The following MYCBPAP variants were observed in gnomAD, a reference collection of about 807,000 sequenced individuals.
MYCBPAP encodes the protein MYCBP-associated protein.
In MYCBPAP, 60 loss-of-function variants were observed where a neutral mutation model predicts 106.1. The ratio of observed to expected loss-of-function variants is 0.57; its 90% CI spans 0.46 to 0.70. The LOEUF (loss-of-function observed/expected upper bound fraction) is 0.70. Ranked by LOEUF, MYCBPAP falls within the 30% of genes least tolerant of loss-of-function variation. The pLI is 0.00. For synonymous variants in MYCBPAP, 407 were observed against 440.6 expected, an observed-to-expected ratio of 0.92 and a Z score of 0.95; for missense variants, 1,064 against 1,169.3, an observed-to-expected ratio of 0.91 and a Z score of 1.31.
In MYCBPAP at chr17:50,528,975, T is replaced by C. The variant is rs963488356; in HGVS notation, c.2554-43T>C. The C allele has an allele frequency of 1.9e-6, 3 of 1,603,848 alleles. No individual in the cohort carries two copies. The African/African-American group carries it at 4.0e-5, about 21-fold the overall frequency. On this transcript the variant is annotated intron_variant, in intron 17 of 18. Coordinates refer to ENST00000323776, the MANE Select transcript of MYCBPAP (RefSeq NM_032133.6). ...CTGTTGAGGACATCCTTGGCCTACC[T>C]CTGGAGCTCCTGAAGGCTATGTGTG... is the stretch of plus-strand genomic sequence containing the variant.
chr17:50,529,801 A>G, intron 18 of MYCBPAP: 1 of 456,698 alleles, frequency 2.2e-6, no homozygotes, highest in Non-Finnish European at 4.4e-6. Context: ...GGAGAACACC[A>G]TGCAGGGTGC....
intron 1 of MYCBPAP, chr17:50,509,550 G>C (rs1029668914): frequency 6.2e-6 from 1 of 161,372 alleles, no homozygotes. Context: ...GTGTGTGTGT[G>C]TGTGTGTGTG....
chr17:50,517,233 G>T, intron 2 of MYCBPAP, 60 bp from the exon 3 acceptor site: 1 of 1,480,554 alleles, frequency 6.8e-7, no homozygotes, highest in Non-Finnish European at 9.4e-7. Flanking sequence ...AGAAGAGATG[G>T]GTGGTGCTCT....
intron 5 of MYCBPAP, 63 bp from the exon 6 acceptor site, chr17:50,518,911 A>G: frequency 6.6e-7 from 1 of 1,520,598 alleles, no homozygotes; most frequent in Non-Finnish European, 9.1e-7. Context: ...CCCGATGCAG[A>G]CTGCCAAGGC....
chr17:50,516,552 C>T lies in MYCBPAP; in HGVS notation c.77-18C>T. 6.2e-7 allele frequency: 1 copy of T among 1,611,912 alleles called. No individual in the cohort carries two copies. Among genetic ancestry groups the T allele is most frequent in the South Asian group, 1.1e-5 (1 of 90,594 alleles). On this transcript the variant is annotated intron_variant, in intron 1 of 18. Coordinates refer to ENST00000323776, the MANE Select transcript of MYCBPAP (RefSeq NM_032133.6). ...AAGGAGCTCTTTAAGGACTTAATAACTTTCTGCTTCTCTTCAGAAAAGAAG... is the reference window on the plus strand; with the variant it reads ...AAGGAGCTCTTTAAGGACTTAATAATTTTCTGCTTCTCTTCAGAAAAGAAG...
At chr17:50,528,012 G>C (rs2034515522) in intron 15 of MYCBPAP, 143 bp from the exon 16 acceptor site, 13 of 705,810 alleles carry the variant, frequency 1.8e-5, no homozygotes, top group Non-Finnish European at 3.2e-5. Flanking sequence ...GCGGGGAACA[G>C]TGAGGATGCT....
At position 50,528,314 on chromosome 17, in the gene MYCBPAP, C is replaced by T. The variant is rs201310198; in HGVS notation, c.2407+44C>T. On this transcript the variant is annotated intron_variant, in intron 16 of 18. Transcript: ENST00000323776. ...AACCACACCTCTGCATAGCCCTCCT[C>T]ATCTCTCTGAATGGACAAGCAGCAG... The T allele has an allele frequency of 1.1e-4, 165 of 1,468,808 alleles. 1 individual carries two copies. The highest frequency in any genetic ancestry group is 5.5e-5 in the Admixed American group (3 of 54,674). The allele number at this position is 1,468,808 out of a possible 1,614,324, so 91.0% of individuals were successfully genotyped here.
chr17:50,524,941 G>C lies in MYCBPAP; in HGVS notation c.1700G>C (p.Gly567Ala). 1 of 1,614,048 alleles carries C rather than the reference G, an allele frequency of 6.2e-7. No individual in the cohort carries two copies. Among genetic ancestry groups the C allele is most frequent in the Non-Finnish European group, 8.5e-7 (1 of 1,180,024 alleles). ...GAAGTGCTGCAGGAGCTGCTGATGG[G>C]GGTCTTGACCCCGGAGCGCACACCA... ...VREVLQELLMGVLTPERTPSP... is the reference protein window; with the variant it reads ...VREVLQELLMAVLTPERTPSP... Residue 567 changes from glycine to alanine, a missense_variant, in exon 13 of 19, where the codon GGG becomes GCG. Gly to Ala is a moderately conservative substitution (Grantham distance 60). Transcript: ENST00000323776.
chr17:50,516,871 T>C (rs2034072866), intron 2 of MYCBPAP, among the ~76,000 whole-genome samples, 174 bp downstream of exon 2: 1 of 152,246 alleles, frequency 6.6e-6, no homozygotes, highest in Non-Finnish European at 1.5e-5. Flanking sequence ...CTGTGTTGTC[T>C]GTTTTAACAT....
In MYCBPAP at chr17:50,530,497, C is replaced by CAAAAA. The variant is rs10526790; in HGVS notation, c.2725-825_2725-821dup. On this transcript the variant is annotated intron_variant, in intron 18 of 18. Coordinates refer to ENST00000323776, the MANE Select transcript of MYCBPAP (RefSeq NM_032133.6). ...GTGACAAGAGTGAGACTCTTACCTC[C>CAAAAA]AAAAAAAAAGAATCAACTTGCTGGC... Among the ~76,000 whole-genome samples, 2 of 105,866 alleles carry CAAAAA rather than the reference C, an allele frequency of 1.9e-5. 1 individual carries two copies. Among genetic ancestry groups the CAAAAA allele is most frequent in the African/African-American group, 7.8e-5 (2 of 25,670 alleles). The allele number at this position is 105,866 out of a possible 152,430, so 69.5% of individuals were successfully genotyped here.
chr17:50,529,062 A>G lies in MYCBPAP; in HGVS notation c.2598A>G (p.Lys866=), dbSNP rs1257198991. ...SKKHKAKDDK[K]VIKSASQDRF... Reference sequence around the variant, plus strand: ...AGCACAAGGCAAAGGATGACAAGAAAGTCATAAAATCTGCAAGTCAGGACA... The same window carrying G: ...AGCACAAGGCAAAGGATGACAAGAAGGTCATAAAATCTGCAAGTCAGGACA... The change falls in exon 18 of 19, where the codon AAA becomes AAG. Residue 866 remains lysine, a synonymous_variant. Coordinates refer to ENST00000323776, the MANE Select transcript of MYCBPAP (RefSeq NM_032133.6). 6.2e-7 allele frequency: 1 copy of G among 1,614,170 alleles called. No individual in the cohort carries two copies. The highest frequency in any genetic ancestry group is 8.5e-7 in the Non-Finnish European group (1 of 1,180,026).
In MYCBPAP at chr17:50,531,391, T is replaced by C. The variant is rs762758115; in HGVS notation, c.2789T>C (p.Ile930Thr). The change falls in exon 19 of 19, where the codon ATA becomes ACA. Residue 930 changes from isoleucine to threonine, a missense_variant. Coordinates refer to ENST00000323776, the MANE Select transcript of MYCBPAP (RefSeq NM_032133.6). ...LMVLADELSPIKNVEEALRLC... is the reference protein window; with the variant it reads ...LMVLADELSPTKNVEEALRLC... Reference sequence around the variant, plus strand: ...GTCCTGGCTGATGAGCTCAGCCCCATAAAGAATGTCGAGGAGGCTTTGCGC... The same window carrying C: ...GTCCTGGCTGATGAGCTCAGCCCCACAAAGAATGTCGAGGAGGCTTTGCGC... The C allele has an allele frequency of 1.2e-6, 2 of 1,613,550 alleles. No homozygotes were observed. The highest frequency in any genetic ancestry group is 1.7e-5 in the Admixed American group (1 of 59,942).
At chr17:50,518,870 G>A in intron 5 of MYCBPAP, 104 bp from the exon 6 acceptor site, 1 of 1,442,022 alleles carries the variant, frequency 6.9e-7, no homozygotes, top group African/African-American at 1.4e-5. Flanking sequence ...AGCTTCAGTG[G>A]ATCCTGAAAT....
chr17:50,525,138 C>T, intron 13 of MYCBPAP, 115 bp downstream of exon 13: 1 of 1,278,218 alleles, frequency 7.8e-7, no homozygotes, highest in Non-Finnish European at 1.1e-6. Flanking sequence ...ACTGCCTGAG[C>T]TCTGCCTCCT....
intron 12 of MYCBPAP, 89 bp downstream of exon 12, chr17:50,523,873 C>A: frequency 7.6e-7 from 1 of 1,307,672 alleles, no homozygotes. Flanking sequence ...TCATATTTCT[C>A]CCAGCCTAAG....
chr17:50,528,826 C>G lies in MYCBPAP; in HGVS notation c.2539C>G (p.Leu847Val), dbSNP rs138074356. The change falls in exon 17 of 19, where the codon CTG becomes GTG. Residue 847 changes from leucine (L) to valine (V), a missense_variant. Leu to Val is a conservative substitution (Grantham distance 32, BLOSUM62 1). Transcript: ENST00000323776. Reference protein sequence around the residue: ...KDKEDKKGAKLLGKEDRPNSK... With the variant: ...KDKEDKKGAKVLGKEDRPNSK... ...CAAAGAAGACAAGAAAGGAGCCAAG[C>G]TGCTCGGGAAAGAGGCATGCTGGGG... The G allele has an allele frequency of 2.2e-4, 363 of 1,613,574 alleles. 2 individuals carry two copies. The African/African-American group carries it at 4.3e-3, about 19-fold the overall frequency.
intron 15 of MYCBPAP, 51 bp from the exon 16 acceptor site, chr17:50,528,104 C>A: frequency 6.5e-7 from 1 of 1,527,364 alleles, no homozygotes; most frequent in Non-Finnish European, 9.0e-7. Context: ...TCTGCAGGTT[C>A]AAGGACAAAT....
intron 10 of MYCBPAP, 107 bp from the exon 11 acceptor site, chr17:50,522,832 C>G (rs986671108): frequency 9.0e-7 from 1 of 1,117,266 alleles, no homozygotes; most frequent in Non-Finnish European, 1.3e-6. Flanking sequence ...GCCTGGGACA[C>G]GAGACTTGCA....
intron 1 of MYCBPAP, chr17:50,510,497 G>GTATATATATATA (rs1270955072): frequency 7.7e-4 from 69 of 89,470 alleles, no homozygotes; most frequent in Non-Finnish European, 1.2e-3. Context: ...GTGTGTGTGT[G>GTATATATATATA]TGTATATATA....
Sources: gnomAD v4.1 joint callset for allele counts (sites outside exome capture counted in the v4.1 genomes callset) on GRCh38, gnomAD v4.1.1 for gene constraint, MANE v1.5 for transcripts, NCBI Gene and HGNC (gene_info 2026-07-23, HGNC 2026-07-21) for gene names.